Variants in CAB39L observed in about 807,000 individuals in gnomAD.
CAB39L encodes the protein calcium binding protein 39 like, also known as calcium-binding protein 39-like.
In CAB39L, 23 loss-of-function variants were observed where a neutral mutation model predicts 39.1. The ratio of observed to expected loss-of-function variants is 0.59; its 90% confidence interval spans 0.42 to 0.83. CAB39L has a LOEUF of 0.83. CAB39L is among the 40% of genes least tolerant of loss of function. The probability of loss-of-function intolerance (pLI) is 0.00; values close to 1 mark genes in which losing one functional copy is unlikely to be tolerated. For missense variants in CAB39L, 366 were observed against 391.9 expected, an observed-to-expected ratio of 0.93 and a Z score of 0.56; for synonymous variants, 126 against 137.2, an observed-to-expected ratio of 0.92 and a Z score of 0.57.
chr13:49,319,602 T>G (rs1028804720), intron 10 of CAB39L, among the ~76,000 whole-genome samples: 1 of 151,572 alleles, frequency 6.6e-6, no homozygotes, highest in Non-Finnish European at 1.5e-5. Context: ...TTTTATGTTA[T>G]GTGAATTTTA....
At chr13:49,443,908 C>T in intron 1 of CAB39L, 78 bp downstream of exon 1, 1 of 456,750 alleles carries the variant, frequency 2.2e-6, no homozygotes, top group Non-Finnish European at 4.4e-6. Context: ...CCCTCCACTA[C>T]GGCCAGGCGC....
chr13:49,339,125 C>CTTTTTTTTT (rs1215081648), intron 9 of CAB39L, among the ~76,000 whole-genome samples: 2 of 99,920 alleles, frequency 2.0e-5, no homozygotes, highest in Non-Finnish European at 2.0e-5. Flanking sequence ...TTTTACATGT[C>CTTTTTTTTT]TTTTTTTTTT....
chr13:49,334,470 A>G (rs1954797247), intron 9 of CAB39L, among the ~76,000 whole-genome samples: 1 of 152,110 alleles, frequency 6.6e-6, no homozygotes, highest in African/African-American at 2.4e-5. Context: ...CCCCAGCTCC[A>G]AAATCTTGAG....
At chr13:49,392,665 AC>A (rs1357862401) in intron 3 of CAB39L, among the ~76,000 whole-genome samples, 1 of 151,982 alleles carries the variant, frequency 6.6e-6, no homozygotes, top group Non-Finnish European at 1.5e-5. Flanking sequence ...ACAAAACAAA[AC>A]AAAAAACAGA....
intron 7 of CAB39L, among the ~76,000 whole-genome samples, chr13:49,349,520 A>G (rs1350135936): frequency 6.6e-6 from 1 of 150,426 alleles, no homozygotes; most frequent in East Asian, 1.9e-4. Flanking sequence ...CTGAAAACCT[A>G]TTTTTTTCAA....
Position 49,308,907 on chromosome 13 carries a change from C to G in CAB39L, c.*1907G>C, listed in dbSNP as rs2138305599. Reference sequence around the variant, plus strand: ...GGGATAATGGGTTGCTAGGAAAGAGCTAATGCAAGCCCAAAGGAAATAAAA... The same window carrying G: ...GGGATAATGGGTTGCTAGGAAAGAGGTAATGCAAGCCCAAAGGAAATAAAA... On this transcript the variant is annotated 3_prime_UTR_variant, in exon 11 of 11. Coordinates refer to ENST00000409308, the MANE Select transcript of CAB39L (RefSeq NM_001079670.3). 1 of 152,270 alleles carries G rather than the reference C, an allele frequency of 6.6e-6. No individual in the cohort carries two copies. Among genetic ancestry groups the G allele is most frequent in the South Asian group, 2.1e-4 (1 of 4,822 alleles). 9.4% of individuals were successfully genotyped at this position (152,270 alleles called of 1,614,324 possible).
intron 10 of CAB39L, among the ~76,000 whole-genome samples, chr13:49,324,659 TCAGA>T (rs1433358273): frequency 1.3e-5 from 2 of 152,326 alleles, no homozygotes; most frequent in South Asian, 2.1e-4. Flanking sequence ...ACTTAATCTC[TCAGA>T]CAGTTTCCTC....
At chr13:49,433,146 CTCTAG>C (rs1395028871) in intron 3 of CAB39L, among the ~76,000 whole-genome samples, 167 bp downstream of exon 3, 9 of 152,104 alleles carry the variant, frequency 5.9e-5, no homozygotes, top group Non-Finnish European at 1.3e-4. Flanking sequence ...AATTCAGGCT[CTCTAG>C]TCTATCATAT....
chr13:49,346,077 T>G (rs1306317653), intron 7 of CAB39L, among the ~76,000 whole-genome samples: 9 of 27,944 alleles, frequency 3.2e-4, no homozygotes, highest in South Asian at 1.1e-3. Flanking sequence ...ATATGCTAGA[T>G]ATATATATAT....
At chr13:49,376,589 C>T (rs1956065486) in intron 5 of CAB39L, among the ~76,000 whole-genome samples, 1 of 152,158 alleles carries the variant, frequency 6.6e-6, no homozygotes, top group African/African-American at 2.4e-5. Flanking sequence ...TACTTAATAT[C>T]TTTGAACTTT....
chr13:49,339,199 T>C (rs1954933386), intron 9 of CAB39L, among the ~76,000 whole-genome samples: 2 of 150,086 alleles, frequency 1.3e-5, no homozygotes, highest in South Asian at 2.1e-4. Context: ...GGCACGATCT[T>C]GGCTCACTGC....
chr13:49,418,296 T>C (rs1296103053), intron 3 of CAB39L, among the ~76,000 whole-genome samples: 2 of 152,210 alleles, frequency 1.3e-5, no homozygotes, highest in Non-Finnish European at 2.9e-5. Context: ...ACATATTGTA[T>C]GATTCCATTC....
At chr13:49,443,756 T>TCACCACCAC (rs985297843) in intron 1 of CAB39L, among the ~76,000 whole-genome samples, 11 of 151,504 alleles carry the variant, frequency 7.3e-5, no homozygotes, top group Non-Finnish European at 1.5e-4. Context: ...ACCACAACCA[T>TCACCACCAC]CACCACCACC....
At chr13:49,380,393 C>CT (rs1956228475) in intron 4 of CAB39L, among the ~76,000 whole-genome samples, 1 of 143,622 alleles carries the variant, frequency 7.0e-6, no homozygotes, top group Admixed American at 6.9e-5. Context: ...GAATCACTGT[C>CT]TTTTTTGCTA....
At position 49,373,612 on chromosome 13, in the gene CAB39L, T is replaced by C. The variant is rs188102700; in HGVS notation, c.276+3355A>G. 3.0e-3 allele frequency among the ~76,000 whole-genome samples: 457 copies of C among 152,346 alleles called. 6 individuals are homozygous for C. Among genetic ancestry groups the C allele is most frequent in the African/African-American group, 0.01 (419 of 41,592 alleles). ...CAATTTACTGATTCCTTCAGAAAAA[T>C]GGCTCACTGGTATGTCCCAATACCT... is the stretch of plus-strand genomic sequence containing the variant. On this transcript the variant is annotated intron_variant, in intron 5 of 10. Coordinates refer to ENST00000409308, the MANE Select transcript of CAB39L (RefSeq NM_001079670.3).
intron 6 of CAB39L, among the ~76,000 whole-genome samples, chr13:49,355,710 T>C (rs1955465545): frequency 6.6e-6 from 1 of 151,648 alleles, no homozygotes; most frequent in African/African-American, 2.4e-5. Context: ...TAGAAAACAT[T>C]AAATCCATTA....
In CAB39L at chr13:49,346,100, GATATATATATAT is replaced by G. The variant is rs370368670; in HGVS notation, c.565-1874_565-1863del. Among the ~76,000 whole-genome samples the G allele has an allele frequency of 5.5e-4, 17 of 30,922 alleles. 2 individuals are homozygous for G. The East Asian group carries it at 0.019, about 35-fold the overall frequency. 20.3% of individuals were successfully genotyped at this position (30,922 alleles called of 152,430 possible). On this transcript the variant is annotated intron_variant, in intron 7 of 10. Transcript: ENST00000409308. ...GATATATATATATATATATATGCTA[GATATATATATAT>G]ATATATATATATCATGGATACAGCC...
chr13:49,417,595 C>CAAATAACAGAAGCA (rs11270875), intron 3 of CAB39L, among the ~76,000 whole-genome samples: 82,399 of 151,436 alleles, frequency 0.54, 22,518 homozygotes, highest in South Asian at 0.64. Flanking sequence ...CTGGCAGAAG[C>CAAATAACAGAAGCA]AAATAACAGA....
At chr13:49,364,360 A>G (rs148482552) in intron 5 of CAB39L, among the ~76,000 whole-genome samples, 2 of 152,298 alleles carry the variant, frequency 1.3e-5, no homozygotes, top group East Asian at 1.9e-4. Flanking sequence ...ACAGATCCCA[A>G]TACAACAGTA....
Sources: allele counts gnomAD v4.1 joint callset (sites outside exome capture counted in the v4.1 genomes callset), GRCh38; gene constraint gnomAD v4.1.1; transcripts MANE v1.5; gene names NCBI Gene and HGNC (gene_info 2026-07-23, HGNC 2026-07-21).